The following ASTN2 variants were observed in gnomAD, a reference collection of about 807,000 sequenced individuals.
ASTN2 encodes astrotactin 2, also known as astrotactin-2.
ASTN2 carries 54 observed loss-of-function variants against 139.8 expected under a neutral mutation model. The observed-to-expected ratio is 0.39, with a 90% CI of 0.31 to 0.48. ASTN2 has a LOEUF of 0.48. ASTN2 is among the 20% of genes least tolerant of loss of function. ASTN2 has a pLI of 0.95. For synonymous variants in ASTN2, 756 were observed against 719.5 expected, an observed-to-expected ratio of 1.05 and a Z score of -0.81; for missense variants, 1,565 against 1,725.1, an observed-to-expected ratio of 0.91 and a Z score of 1.64.
intron 19 of ASTN2, among the ~76,000 whole-genome samples, chr9:116,507,330 A>T (rs910989016): frequency 9.9e-5 from 15 of 152,146 alleles, no homozygotes; most frequent in Non-Finnish European, 1.5e-4. Context: ...CAATTAAGTG[A>T]ATCTCCTGTT....
Position 117,052,301 on chromosome 9 carries a change from G to A in ASTN2, c.1277-12336C>T, listed in dbSNP as rs142822530. 4.3e-3 allele frequency among the ~76,000 whole-genome samples: 652 copies of A among 152,026 alleles called. 3 individuals are homozygous for A. The highest frequency in any genetic ancestry group is 0.014 in the African/African-American group (598 of 41,478). On this transcript the variant is annotated intron_variant, in intron 5 of 22. Coordinates refer to ENST00000313400, the MANE Select transcript of ASTN2 (RefSeq NM_001365068.1). ...TAAAAATACAAAAAATTAGCCAGGC[G>A]TGGTGGTGGGCACCTGTAGTCCCAG... is the stretch of plus-strand genomic sequence containing the variant.
chr9:116,754,703 T>C (rs1829491074), intron 13 of ASTN2, among the ~76,000 whole-genome samples: 1 of 152,184 alleles, frequency 6.6e-6, no homozygotes, highest in Non-Finnish European at 1.5e-5. Flanking sequence ...CCCTGTTGTA[T>C]AGACTCTCAA....
chr9:117,374,508 C>T (rs1830070558), intron 1 of ASTN2, among the ~76,000 whole-genome samples: 1 of 151,794 alleles, frequency 6.6e-6, no homozygotes, highest in South Asian at 2.1e-4. Flanking sequence ...ATGTTTCTCA[C>T]AAAATTAATT....
intron 2 of ASTN2, among the ~76,000 whole-genome samples, chr9:117,258,663 C>A (rs1158272928): frequency 2.0e-5 from 3 of 152,290 alleles, no homozygotes; most frequent in East Asian, 1.9e-4. Flanking sequence ...AATTCTTTAG[C>A]CTTACCACCC....
intron 13 of ASTN2, among the ~76,000 whole-genome samples, chr9:116,801,846 T>C (rs1830868493): frequency 6.6e-6 from 1 of 151,962 alleles, no homozygotes; most frequent in Admixed American, 6.6e-5. Flanking sequence ...GGGAGTTTTC[T>C]AAATCTTGAG....
intron 1 of ASTN2, among the ~76,000 whole-genome samples, chr9:117,356,742 C>T (rs1156279769): frequency 3.3e-5 from 5 of 152,160 alleles, no homozygotes; most frequent in Admixed American, 3.3e-4. Context: ...AAAACAATCT[C>T]TCTTCATACC....
intron 5 of ASTN2, among the ~76,000 whole-genome samples, chr9:117,064,816 G>A (rs911925910): frequency 4.0e-5 from 6 of 151,516 alleles, no homozygotes; most frequent in Non-Finnish European, 8.8e-5. Flanking sequence ...AAAAATCCAA[G>A]ATTTTTGAGC....
chr9:117,181,422 C>T (rs1831063878), intron 3 of ASTN2, among the ~76,000 whole-genome samples: 1 of 152,194 alleles, frequency 6.6e-6, no homozygotes, highest in East Asian at 1.9e-4. Flanking sequence ...TTACACACAA[C>T]CATAAACTTG....
intron 16 of ASTN2, among the ~76,000 whole-genome samples, chr9:116,672,630 A>G (rs1260791308): frequency 6.6e-6 from 1 of 152,220 alleles, no homozygotes; most frequent in Non-Finnish European, 1.5e-5. Context: ...AAGTCATCAA[A>G]CACTCACATT....
At chr9:117,138,146 G>T (rs1260343792) in intron 4 of ASTN2, among the ~76,000 whole-genome samples, 1 of 152,142 alleles carries the variant, frequency 6.6e-6, no homozygotes, top group Non-Finnish European at 1.5e-5. Context: ...TAGAGAGGAG[G>T]ATAGTAGACA....
intron 10 of ASTN2, among the ~76,000 whole-genome samples, chr9:116,966,052 C>A (rs768178056): frequency 4.6e-5 from 7 of 152,180 alleles, no homozygotes; most frequent in Non-Finnish European, 5.9e-5. Context: ...CCCAGGTATA[C>A]TAACCCCCAG....
intron 4 of ASTN2, among the ~76,000 whole-genome samples, chr9:117,128,521 C>T (rs1341122186): frequency 2.0e-5 from 3 of 151,804 alleles, no homozygotes; most frequent in African/African-American, 4.8e-5. Context: ...GACACCAGAG[C>T]CATAATTTCT....
At chr9:116,865,423 CAAAAAAAAAAAAAAAAA>C (rs869251101) in intron 10 of ASTN2, among the ~76,000 whole-genome samples, 4 of 48,858 alleles carry the variant, frequency 8.2e-5, no homozygotes, top group South Asian at 9.0e-4. Context: ...AACACTGTCT[CAAAAAAAAAAAAAAAAA>C]AAAAAAAAAA....
chr9:116,661,142 A>T (rs534429827), intron 16 of ASTN2, among the ~76,000 whole-genome samples: 1 of 152,070 alleles, frequency 6.6e-6, no homozygotes, highest in Non-Finnish European at 1.5e-5. Flanking sequence ...CAGAATCAGG[A>T]ATCAGTCGGC....
intron 10 of ASTN2, among the ~76,000 whole-genome samples, chr9:116,864,079 G>T (rs1832960274): frequency 6.6e-6 from 1 of 152,184 alleles, no homozygotes; most frequent in Non-Finnish European, 1.5e-5. Context: ...TGACCGAAGT[G>T]AAGTTTGTAT....
chr9:117,383,780 C>T (rs1830328276), intron 1 of ASTN2, among the ~76,000 whole-genome samples: 1 of 152,138 alleles, frequency 6.6e-6, no homozygotes, highest in Non-Finnish European at 1.5e-5. Context: ...TTGCTTTGCA[C>T]AATAATTTGG....
chr9:116,707,984 A>C lies in ASTN2; in HGVS notation c.2806+17787T>G, dbSNP rs138189433. ...TAACTTAAAATATCCCATAGTGGGC[A>C]TGGATGCTCTAACCCAATGAGTAAT... On this transcript the variant is annotated intron_variant, in intron 16 of 22. Coordinates refer to ENST00000313400, the MANE Select transcript of ASTN2 (RefSeq NM_001365068.1). 3.9e-4 allele frequency among the ~76,000 whole-genome samples: 60 copies of C among 152,322 alleles called. No individual in the cohort carries two copies. In the East Asian group the frequency reaches 0.011, roughly 28 times the overall value.
At chr9:117,412,420 G>T (rs1241475666) in intron 1 of ASTN2, among the ~76,000 whole-genome samples, 1 of 152,110 alleles carries the variant, frequency 6.6e-6, no homozygotes, top group Non-Finnish European at 1.5e-5. Context: ...GCAACACATG[G>T]GTCCTGGGGG....
chr9:117,022,916 T>C (rs867654050), intron 6 of ASTN2, among the ~76,000 whole-genome samples: 1 of 151,444 alleles, frequency 6.6e-6, no homozygotes, highest in African/African-American at 2.4e-5. Context: ...CAGGGTAGCA[T>C]GGAGAGAGGT....
Sources: gnomAD v4.1 joint callset for allele counts (sites outside exome capture counted in the v4.1 genomes callset) on GRCh38, gnomAD v4.1.1 for gene constraint, MANE v1.5 for transcripts, NCBI Gene and HGNC (gene_info 2026-07-23, HGNC 2026-07-21) for gene names.